SNX25: variants seen among roughly 807,000 people sequenced by gnomAD.
SNX25 encodes sorting nexin-25.
A neutral mutation model predicts 113.7 loss-of-function variants in SNX25; 62 were observed. That is an observed-to-expected ratio of 0.55 (90% CI 0.44 to 0.67). The LOEUF is 0.67. Ranked by LOEUF, SNX25 falls within the 30% of genes least tolerant of loss-of-function variation. The probability of loss-of-function intolerance (pLI) is 0.00; values close to 1 mark genes in which losing one functional copy is unlikely to be tolerated. For missense variants in SNX25, 1,014 were observed against 1,161.0 expected (o/e 0.87, Z 1.84); for synonymous variants, 421 against 436.2 (o/e 0.97, Z 0.43).
intron 1 of SNX25, among the ~76,000 whole-genome samples, chr4:185,241,250 C>T (rs1219999600): frequency 6.6e-5 from 10 of 152,128 alleles, no homozygotes; most frequent in Non-Finnish European, 1.0e-4. Context: ...CCGAGGCTGG[C>T]GGATCACTCG....
chr4:185,205,142 A>G (rs1737130591), upstream of SNX25, among the ~76,000 whole-genome samples: 1 of 152,218 alleles, frequency 6.6e-6, no homozygotes, highest in Non-Finnish European at 1.5e-5. Flanking sequence ...AAGTATAATC[A>G]ATTCTCTTTT....
At chr4:185,343,676 A>G (rs1176280010) in intron 12 of SNX25, among the ~76,000 whole-genome samples, 1 of 152,150 alleles carries the variant, frequency 6.6e-6, no homozygotes. Flanking sequence ...TCCTTCTACT[A>G]TGGGTCATTG....
chr4:185,366,936 C>T (rs1027070537), downstream of SNX25: 1 of 388,012 alleles, frequency 2.6e-6, no homozygotes, highest in African/African-American at 2.1e-5. Flanking sequence ...TTGATATGGT[C>T]TCGGCCAGTC....
chr4:185,323,955 A>G, intron 9 of SNX25, among the ~76,000 whole-genome samples, 155 bp downstream of exon 9: 1 of 152,370 alleles, frequency 6.6e-6, no homozygotes, highest in South Asian at 2.1e-4. Context: ...TTAATATACA[A>G]GACCTTAAAT....
At chr4:185,310,545 G>A in intron 6 of SNX25, 90 bp from the exon 7 acceptor site, 1 of 1,145,016 alleles carries the variant, frequency 8.7e-7, no homozygotes, top group Admixed American at 2.6e-5. Flanking sequence ...GGTTCAGAAT[G>A]CCCACAGCAG....
In SNX25 at chr4:185,311,121, A is replaced by T. The variant is rs186666644; in HGVS notation, c.1344+305A>T. Among the ~76,000 whole-genome samples, 77 of 152,254 alleles carry T rather than the reference A, an allele frequency of 5.1e-4. 1 individual carries two copies. Among genetic ancestry groups the T allele is most frequent in the African/African-American group, 1.8e-3 (75 of 41,552 alleles). ...GCATATTTATATTTACAAGACTCCAATCAAGTTTCCCATTATCAATTGAAT... is the reference window on the plus strand; with the variant it reads ...GCATATTTATATTTACAAGACTCCATTCAAGTTTCCCATTATCAATTGAAT... On this transcript the variant is annotated intron_variant, in intron 7 of 18. Transcript: ENST00000652585.
chr4:185,280,957 G>A (rs568295970), intron 5 of SNX25, among the ~76,000 whole-genome samples: 1 of 152,148 alleles, frequency 6.6e-6, no homozygotes, highest in East Asian at 1.9e-4. Flanking sequence ...AACATTGACC[G>A]CTTTACACAG....
intron 10 of SNX25, among the ~76,000 whole-genome samples, chr4:185,333,911 G>A (rs2095213003): frequency 6.6e-6 from 1 of 151,708 alleles, no homozygotes; most frequent in African/African-American, 2.4e-5. Flanking sequence ...AGCCCAGCAT[G>A]GTAGTGGATG....
intron 9 of SNX25, among the ~76,000 whole-genome samples, chr4:185,331,772 C>T (rs577199600): frequency 1.3e-5 from 2 of 152,186 alleles, no homozygotes; most frequent in Non-Finnish European, 2.9e-5. Flanking sequence ...CAGAGTAAGA[C>T]TCTGTCTCAA....
intron 9 of SNX25, 45 bp downstream of exon 9, chr4:185,323,845 T>A (rs774947234): frequency 1.3e-4 from 207 of 1,597,662 alleles, no homozygotes; most frequent in Non-Finnish European, 1.7e-4. Flanking sequence ...GGATAAGCTT[T>A]TAAATATGTT....
rs146808514 is a variant in SNX25 at position 185,299,553 on chromosome 4, A to G, written c.1163-11082A>G. Among the ~76,000 whole-genome samples the G allele has an allele frequency of 5.3e-5, 8 of 152,308 alleles. No individual in the cohort carries two copies. The East Asian group carries it at 1.5e-3, about 29-fold the overall frequency. ...ATGATGCTTGTGCTGCCTGTCCAGG[A>G]ATCACACTGAGAACCACTGCTGCAG... On this transcript the variant is annotated intron_variant, in intron 6 of 18. Coordinates refer to ENST00000652585, the MANE Select transcript of SNX25 (RefSeq NM_001378034.2).
At chr4:185,357,777 T>A in intron 16 of SNX25, 40 bp downstream of exon 16, 1 of 1,529,806 alleles carries the variant, frequency 6.5e-7, no homozygotes, top group Non-Finnish European at 9.1e-7. Flanking sequence ...CATGCCCTAC[T>A]CTTTTGCCTT....
chr4:185,374,584 G>A (rs927943319), downstream of SNX25: 1 of 1,011,400 alleles, frequency 9.9e-7, no homozygotes, highest in Non-Finnish European at 1.4e-6. Flanking sequence ...ATGAATCTGT[G>A]CCCAAGGGGT....
At chr4:185,370,868 T>C (rs1023771976), downstream of SNX25, 2 of 1,566,682 alleles carry the variant, frequency 1.3e-6, no homozygotes, top group Non-Finnish European at 8.8e-7. Context: ...GGTAAGTGTT[T>C]GTAAAACGAT....
At chr4:185,266,774 A>T (rs1181448202) in intron 4 of SNX25, among the ~76,000 whole-genome samples, 195 bp from the exon 5 acceptor site, 1 of 152,192 alleles carries the variant, frequency 6.6e-6, no homozygotes, top group Non-Finnish European at 1.5e-5. Context: ...ATGGATGATA[A>T]CATATTTGGA....
downstream of SNX25, chr4:185,365,417 G>C (rs1478843994): frequency 6.6e-6 from 1 of 151,478 alleles, no homozygotes; most frequent in Non-Finnish European, 1.5e-5. Context: ...TGCAATTTGC[G>C]CGATCTCAGC....
chr4:185,322,441 G>C (rs181031615), intron 8 of SNX25, among the ~76,000 whole-genome samples: 1 of 152,132 alleles, frequency 6.6e-6, no homozygotes, highest in African/African-American at 2.4e-5. Flanking sequence ...GGGAAGGTGG[G>C]GGGGAAGCAC....
chr4:185,338,609 T>C (rs757011289), intron 10 of SNX25, among the ~76,000 whole-genome samples: 1 of 152,172 alleles, frequency 6.6e-6, no homozygotes, highest in Non-Finnish European at 1.5e-5. Flanking sequence ...GTAAGTTTTA[T>C]AATTTTTAGC....
chr4:185,286,115 T>TTGTTA (rs1165569234), intron 5 of SNX25, among the ~76,000 whole-genome samples: 1 of 150,990 alleles, frequency 6.6e-6, no homozygotes, highest in African/African-American at 2.4e-5. Context: ...TTGTTTTGTT[T>TTGTTA]TGTTATGTGT....
Sources: gnomAD v4.1 joint callset for allele counts (sites outside exome capture counted in the v4.1 genomes callset) on GRCh38, gnomAD v4.1.1 for gene constraint, MANE v1.5 for transcripts, NCBI Gene and HGNC (gene_info 2026-07-23, HGNC 2026-07-21) for gene names.